The following SORCS2 variants were observed in gnomAD, a reference collection of about 807,000 sequenced individuals.
SORCS2 encodes the protein sortilin related VPS10 domain containing receptor 2, also known as VPS10 domain-containing receptor SorCS2.
In SORCS2, 100 loss-of-function variants were observed where a neutral mutation model predicts 141.6. The ratio of observed to expected loss-of-function variants is 0.71; its 90% confidence interval spans 0.60 to 0.83. The LOEUF (loss-of-function observed/expected upper bound fraction) is 0.83. Ranked by LOEUF, SORCS2 falls within the 40% of genes least tolerant of loss-of-function variation. The probability of loss-of-function intolerance (pLI) is 0.00; values close to 1 mark genes in which losing one functional copy is unlikely to be tolerated. For missense variants in SORCS2, 1,646 were observed against 1,560.2 expected, an observed-to-expected ratio of 1.05 and a Z score of -0.93; for synonymous variants, 789 against 676.9, an observed-to-expected ratio of 1.17 and a Z score of -2.57.
At chr4:7,714,429 G>A in intron 16 of SORCS2, 56 bp downstream of exon 16, 1 of 1,522,218 alleles carries the variant, frequency 6.6e-7, no homozygotes, top group South Asian at 1.2e-5. Context: ...CATCCTCACA[G>A]CATGGCGGCC....
chr4:7,479,828 C>G (rs1730520632), intron 2 of SORCS2, among the ~76,000 whole-genome samples: 1 of 152,272 alleles, frequency 6.6e-6, no homozygotes, highest in African/African-American at 2.4e-5. Flanking sequence ...GCCTCTCACT[C>G]TCTGACTCCC....
intron 1 of SORCS2, among the ~76,000 whole-genome samples, chr4:7,300,578 C>T (rs1183241982): frequency 6.6e-6 from 1 of 152,228 alleles, no homozygotes; most frequent in Admixed American, 6.5e-5. Flanking sequence ...ACAGTAGGTT[C>T]TCACGGCGAC....
Position 7,220,131 on chromosome 4 carries a change from A to G in SORCS2, c.480+27005A>G, listed in dbSNP as rs115449185. Among the ~76,000 whole-genome samples the G allele has an allele frequency of 9.5e-3, 1,444 of 152,206 alleles. 21 individuals are homozygous for G. Among genetic ancestry groups the G allele is most frequent in the African/African-American group, 0.033 (1,361 of 41,522 alleles). On this transcript the variant is annotated intron_variant, in intron 1 of 26. Transcript: ENST00000507866. ...CTGAGACTTCACATTCTGAGGCCTG[A>G]GCTGTCTGTGTGCTGGGCTGGTGGC... is the stretch of plus-strand genomic sequence containing the variant.
At chr4:7,586,479 GC>G (rs1237257290) in intron 3 of SORCS2, among the ~76,000 whole-genome samples, 2 of 152,056 alleles carry the variant, frequency 1.3e-5, no homozygotes, top group Non-Finnish European at 2.9e-5. Context: ...TGCTCTCCTT[GC>G]CCCATTCTCC....
At chr4:7,515,436 C>T (rs951736241) in intron 2 of SORCS2, among the ~76,000 whole-genome samples, 2 of 152,182 alleles carry the variant, frequency 1.3e-5, no homozygotes, top group Admixed American at 6.5e-5. Flanking sequence ...TGCTGGGTGG[C>T]CTTGGGCAAG....
intron 2 of SORCS2, among the ~76,000 whole-genome samples, chr4:7,493,705 C>A (rs999440190): frequency 3.9e-5 from 6 of 152,184 alleles, no homozygotes; most frequent in Non-Finnish European, 5.9e-5. Flanking sequence ...GGCTGGGCTC[C>A]AGCTGGTCAG....
At chr4:7,387,791 T>C (rs201318152) in intron 1 of SORCS2, among the ~76,000 whole-genome samples, 3 of 134,550 alleles carry the variant, frequency 2.2e-5, no homozygotes, top group East Asian at 4.7e-4. Context: ...CATAGGTACA[T>C]GCATGCTCAC....
rs1714110532 is a variant in SORCS2 at position 7,556,423 on chromosome 4, G to A, written c.648+24794G>A. Among the ~76,000 whole-genome samples the A allele has an allele frequency of 2.0e-5, 3 of 152,100 alleles. 1 individual carries two copies. The South Asian group carries it at 6.2e-4, about 32-fold the overall frequency. On this transcript the variant is annotated intron_variant, in intron 3 of 26. Transcript: ENST00000507866. ...CGCAGCCTCTGTGGCTGTAACCTGG[G>A]CCCAGAGGAGCCCACCCAGAGGGAA...
At chr4:7,563,409 C>A (rs1448414494) in intron 3 of SORCS2, among the ~76,000 whole-genome samples, 1 of 152,142 alleles carries the variant, frequency 6.6e-6, no homozygotes, top group Non-Finnish European at 1.5e-5. Flanking sequence ...CTACCCAGGG[C>A]AAGTCTAGTG....
At chr4:7,478,291 G>A (rs893169673) in intron 2 of SORCS2, among the ~76,000 whole-genome samples, 9 of 152,116 alleles carry the variant, frequency 5.9e-5, no homozygotes, top group Non-Finnish European at 1.3e-4. Context: ...AGGGGCTATG[G>A]GCAGCCCAGG....
intron 3 of SORCS2, among the ~76,000 whole-genome samples, chr4:7,621,016 G>C (rs898809228): frequency 6.7e-6 from 1 of 148,622 alleles, no homozygotes; most frequent in Non-Finnish European, 1.5e-5. Context: ...GGCAGGCACG[G>C]GGGGGTTGCC....
At chr4:7,608,171 C>G (rs1212967370) in intron 3 of SORCS2, among the ~76,000 whole-genome samples, 1 of 152,158 alleles carries the variant, frequency 6.6e-6, no homozygotes, top group African/African-American at 2.4e-5. Flanking sequence ...TATTTACACA[C>G]CAGCCTCCCT....
intron 1 of SORCS2, among the ~76,000 whole-genome samples, chr4:7,343,140 G>T (rs752114895): frequency 6.6e-6 from 1 of 152,232 alleles, no homozygotes; most frequent in African/African-American, 2.4e-5. Context: ...GGAGGGCAGA[G>T]GTCCTGGTCC....
At chr4:7,358,238 G>A (rs970146662) in intron 1 of SORCS2, among the ~76,000 whole-genome samples, 12 of 152,340 alleles carry the variant, frequency 7.9e-5, no homozygotes, top group African/African-American at 1.9e-4. Context: ...AAGAGGGGCC[G>A]TTGATGGCCA....
intron 3 of SORCS2, among the ~76,000 whole-genome samples, chr4:7,576,834 C>T (rs983019856): frequency 1.3e-5 from 2 of 152,188 alleles, no homozygotes; most frequent in African/African-American, 4.8e-5. Flanking sequence ...CAGCCTGGCT[C>T]ATGGCACATG....
At chr4:7,561,020 T>C (rs1714499021) in intron 3 of SORCS2, among the ~76,000 whole-genome samples, 1 of 152,070 alleles carries the variant, frequency 6.6e-6, no homozygotes, top group Non-Finnish European at 1.5e-5. Flanking sequence ...GGGGTGGCAG[T>C]TGGGGCATCT....
intron 2 of SORCS2, among the ~76,000 whole-genome samples, chr4:7,527,137 T>C (rs1560357756): frequency 6.6e-6 from 1 of 152,118 alleles, no homozygotes; most frequent in Admixed American, 6.6e-5. Context: ...CGCCCTGTTG[T>C]CTCTCACAGC....
intron 1 of SORCS2, among the ~76,000 whole-genome samples, chr4:7,334,864 G>C (rs749767718): frequency 2.6e-5 from 4 of 152,180 alleles, no homozygotes; most frequent in African/African-American, 7.2e-5. Context: ...GAGCTGGCAG[G>C]GTGGGAGTTC....
At chr4:7,240,118 G>C (rs1019058765) in intron 1 of SORCS2, among the ~76,000 whole-genome samples, 6 of 152,162 alleles carry the variant, frequency 3.9e-5, no homozygotes, top group Non-Finnish European at 7.3e-5. Flanking sequence ...GACGTTGTTG[G>C]GCCTCCGTGT....
Sources: gnomAD v4.1 joint callset for allele counts (sites outside exome capture counted in the v4.1 genomes callset) on GRCh38, gnomAD v4.1.1 for gene constraint, MANE v1.5 for transcripts, NCBI Gene and HGNC (gene_info 2026-07-23, HGNC 2026-07-21) for gene names.